The following COL19A1 variants were observed in gnomAD, a reference collection of about 807,000 sequenced individuals.
COL19A1 encodes the protein collagen type XIX alpha 1 chain, also known as collagen alpha-1(XIX) chain.
A neutral mutation model predicts 190.2 loss-of-function variants in COL19A1; 159 were observed. The ratio of observed to expected loss-of-function variants is 0.84; its 90% CI spans 0.73 to 0.95. The LOEUF is 0.95. Among genes scored for constraint, COL19A1 ranks in the 40% least tolerant of loss-of-function variants. The pLI is 0.00. For missense variants in COL19A1, 1,418 were observed against 1,431.9 expected, an observed-to-expected ratio of 0.99 and a Z score of 0.16; for synonymous variants, 509 against 458.9, an observed-to-expected ratio of 1.11 and a Z score of -1.39.
chr6:70,161,433 T>G (rs1472236046), intron 34 of COL19A1, among the ~76,000 whole-genome samples: 2 of 152,200 alleles, frequency 1.3e-5, no homozygotes, highest in Non-Finnish European at 2.9e-5. Context: ...TGCTTCAGAT[T>G]CCATGTCATG....
chr6:69,958,007 CA>C (rs1183427122), intron 9 of COL19A1, among the ~76,000 whole-genome samples: 1 of 152,122 alleles, frequency 6.6e-6, no homozygotes, highest in Non-Finnish European at 1.5e-5. Context: ...ATGCTGGCCA[CA>C]GGAAAACACA....
intron 18 of COL19A1, among the ~76,000 whole-genome samples, chr6:70,132,201 C>T (rs1034856646): frequency 8.6e-5 from 13 of 152,026 alleles, no homozygotes; most frequent in Non-Finnish European, 1.5e-4. Flanking sequence ...GAATTTAGAC[C>T]GGCCTGGACA....
chr6:69,971,909 C>T (rs1775450331), intron 11 of COL19A1, among the ~76,000 whole-genome samples: 1 of 152,142 alleles, frequency 6.6e-6, no homozygotes, highest in African/African-American at 2.4e-5. Flanking sequence ...TGCATCTTTA[C>T]AAAACTATTC....
At chr6:70,000,504 A>AT (rs1238489602) in intron 11 of COL19A1, among the ~76,000 whole-genome samples, 8 of 152,220 alleles carry the variant, frequency 5.3e-5, no homozygotes, top group Middle Eastern at 6.8e-3. Flanking sequence ...AAGCATTCCT[A>AT]TTTCTCCACA....
chr6:70,151,190 A>G (rs980090757), intron 30 of COL19A1, among the ~76,000 whole-genome samples: 7 of 152,212 alleles, frequency 4.6e-5, no homozygotes, highest in Non-Finnish European at 1.0e-4. Flanking sequence ...AAGAATAGTG[A>G]ACATTTTTCA....
intron 11 of COL19A1, among the ~76,000 whole-genome samples, chr6:69,975,826 G>T (rs1022043282): frequency 6.6e-6 from 1 of 152,114 alleles, no homozygotes; most frequent in Admixed American, 6.5e-5. Flanking sequence ...AGGGGTGATG[G>T]CCTAATAGAA....
Position 70,206,976 on chromosome 6 carries a change from C to T in COL19A1, c.3299C>T (p.Ser1100Leu), listed in dbSNP as rs148400214. The stretch of plus-strand genomic sequence containing the variant: ...GGGAGTCCAGGTCTTCCTGGGACTT[C>T]AGGTAAGTGGGATATTGTCTTCACA... Reference protein sequence around the residue: ...LPGSPGLPGTSALGLPGSPGA... With the variant: ...LPGSPGLPGTLALGLPGSPGA... The change falls in exon 50 of 51, where the codon TCA becomes TTA. Residue 1100 changes from serine to leucine, a missense_variant and splice_region_variant. Ser to Leu is a moderately radical substitution (Grantham distance 145). Transcript: ENST00000620364. The T allele has an allele frequency of 1.2e-6, 2 of 1,613,498 alleles. No homozygotes were observed. The highest frequency in any genetic ancestry group is 1.7e-6 in the Non-Finnish European group (2 of 1,179,774).
chr6:70,115,503 T>A (rs995669708), intron 16 of COL19A1, among the ~76,000 whole-genome samples: 1 of 152,130 alleles, frequency 6.6e-6, no homozygotes, highest in African/African-American at 2.4e-5. Flanking sequence ...CCCAGGAACA[T>A]TTGCATTTGA....
At chr6:70,032,942 C>G (rs3805989) in intron 12 of COL19A1, among the ~76,000 whole-genome samples, 88,918 of 151,956 alleles carry the variant, frequency 0.59, 26,547 homozygotes, top group African/African-American at 0.71. Flanking sequence ...AGTATGCGTT[C>G]CTTGATTTGG....
At chr6:69,958,311 G>A (rs1459391780) in intron 9 of COL19A1, among the ~76,000 whole-genome samples, 2 of 152,100 alleles carry the variant, frequency 1.3e-5, no homozygotes, top group East Asian at 1.9e-4. Flanking sequence ...TCTCATGATC[G>A]TATGTAACTA....
chr6:70,168,785 A>T, intron 40 of COL19A1, 104 bp downstream of exon 40: 1 of 1,194,558 alleles, frequency 8.4e-7, no homozygotes, highest in Admixed American at 2.1e-5. Context: ...GTGTTCATCA[A>T]TTAACATGCT....
At chr6:70,042,841 A>G (rs560260595) in intron 14 of COL19A1, among the ~76,000 whole-genome samples, 116 of 152,256 alleles carry the variant, frequency 7.6e-4, no homozygotes, top group African/African-American at 2.7e-3. Context: ...TCTCAGAAAA[A>G]CATTTTCTTT....
At chr6:69,887,941 A>G (rs866778285) in intron 2 of COL19A1, among the ~76,000 whole-genome samples, 4 of 152,120 alleles carry the variant, frequency 2.6e-5, no homozygotes, top group Non-Finnish European at 4.4e-5. Context: ...CCTGGTTGGA[A>G]TTTCTCCAAG....
At chr6:70,193,626 C>T (rs1200927844) in intron 48 of COL19A1, among the ~76,000 whole-genome samples, 2 of 152,146 alleles carry the variant, frequency 1.3e-5, no homozygotes, top group East Asian at 1.9e-4. Flanking sequence ...TATTTTAAAG[C>T]GACCCATAAG....
chr6:70,026,818 A>C (rs942058617), intron 12 of COL19A1, among the ~76,000 whole-genome samples: 1 of 152,234 alleles, frequency 6.6e-6, no homozygotes, highest in African/African-American at 2.4e-5. Flanking sequence ...CAAGAAATTA[A>C]AGGCTTCAGA....
intron 14 of COL19A1, among the ~76,000 whole-genome samples, chr6:70,044,333 G>C (rs1281068920): frequency 6.6e-6 from 1 of 152,120 alleles, no homozygotes; most frequent in Non-Finnish European, 1.5e-5. Context: ...CACTATAGTA[G>C]CACATTTAAT....
chr6:70,079,783 T>C (rs1332303327), intron 15 of COL19A1, among the ~76,000 whole-genome samples: 1 of 152,122 alleles, frequency 6.6e-6, no homozygotes, highest in East Asian at 1.9e-4. Context: ...ACTATTATTC[T>C]CAAAAGCTGA....
At chr6:69,884,628 G>A (rs1015563045) in intron 2 of COL19A1, among the ~76,000 whole-genome samples, 6 of 152,074 alleles carry the variant, frequency 3.9e-5, no homozygotes, top group South Asian at 2.1e-4. Context: ...TACAGAGGGG[G>A]AAAAGTTGGT....
At chr6:70,069,460 T>C (rs1176714567) in intron 15 of COL19A1, among the ~76,000 whole-genome samples, 2 of 152,280 alleles carry the variant, frequency 1.3e-5, no homozygotes, top group Non-Finnish European at 2.9e-5. Flanking sequence ...TGTTCTCTTA[T>C]CGTATGGATT....
Sources: gnomAD v4.1 joint callset for allele counts (sites outside exome capture counted in the v4.1 genomes callset) on GRCh38, gnomAD v4.1.1 for gene constraint, MANE v1.5 for transcripts, NCBI Gene and HGNC (gene_info 2026-07-23, HGNC 2026-07-21) for gene names.